Variants in DLGAP2 observed in about 807,000 individuals in gnomAD.
The protein encoded by DLGAP2 is disks large-associated protein 2.
A neutral mutation model predicts 100.3 loss-of-function variants in DLGAP2; 26 were observed. That is an observed-to-expected ratio of 0.26 (90% confidence interval 0.19 to 0.36). The LOEUF is 0.36. Ranked by LOEUF, DLGAP2 falls within the 10% of genes least tolerant of loss-of-function variation. The pLI, the probability that DLGAP2 is intolerant of heterozygous loss-of-function variation, is 1.00. For synonymous variants in DLGAP2, 886 were observed against 630.1 expected (o/e 1.41, Z -6.08); for missense variants, 1,858 against 1,453.2 (o/e 1.28, Z -4.53).
intron 1 of DLGAP2, among the ~76,000 whole-genome samples, chr8:846,269 C>G (rs949806345): frequency 6.6e-6 from 1 of 152,152 alleles, no homozygotes; most frequent in African/African-American, 2.4e-5. Flanking sequence ...GTGCTATTGA[C>G]CTTCCTTTTG....
At chr8:1,647,488 CAAAAAAAAAAAAAAAAAAAA>C (rs567451595) in intron 8 of DLGAP2, among the ~76,000 whole-genome samples, 14,581 of 44,718 alleles carry the variant, frequency 0.33, 1,328 homozygotes, top group South Asian at 0.52. Flanking sequence ...GACTCTGTCT[CAAAAAAAAAAAAAAAAAAAA>C]AAAAAAAAAA....
At chr8:1,077,173 C>T (rs76629104) in intron 2 of DLGAP2, among the ~76,000 whole-genome samples, 8,044 of 152,284 alleles carry the variant, frequency 0.053, 685 homozygotes, top group African/African-American at 0.18. Flanking sequence ...GTCTGTCCTC[C>T]GGTTTCTGCT....
chr8:1,282,467 T>C (rs1240127532), intron 3 of DLGAP2, among the ~76,000 whole-genome samples: 9 of 95,890 alleles, frequency 9.4e-5, no homozygotes, highest in East Asian at 4.1e-4. Context: ...ATGAACCATC[T>C]GGACATGGTG....
intron 1 of DLGAP2, among the ~76,000 whole-genome samples, chr8:747,366 C>G (rs962313573): frequency 2.6e-5 from 4 of 152,006 alleles, no homozygotes; most frequent in Admixed American, 6.5e-5. Flanking sequence ...TACCATGCTC[C>G]GCGCCAGTCA....
chr8:1,031,575 G>A (rs1220720270), intron 2 of DLGAP2, among the ~76,000 whole-genome samples: 1 of 151,908 alleles, frequency 6.6e-6, no homozygotes, highest in African/African-American at 2.4e-5. Context: ...ACCATGCCCG[G>A]CTGTTTTGTA....
chr8:1,189,435 A>G (rs1454756356), intron 2 of DLGAP2, among the ~76,000 whole-genome samples: 2 of 152,220 alleles, frequency 1.3e-5, no homozygotes, highest in Non-Finnish European at 2.9e-5. Context: ...CATTTGGAAG[A>G]GGAGTGGTCA....
At chr8:1,297,726 A>G (rs1192062005) in intron 3 of DLGAP2, among the ~76,000 whole-genome samples, 16 of 118,096 alleles carry the variant, frequency 1.4e-4, no homozygotes, top group Non-Finnish European at 2.6e-4. Context: ...GAAACGTGGC[A>G]GGCGTGAACA....
intron 1 of DLGAP2, among the ~76,000 whole-genome samples, chr8:905,670 G>A (rs1415729497): frequency 6.6e-6 from 1 of 152,148 alleles, no homozygotes; most frequent in African/African-American, 2.4e-5. Context: ...CTGGTTCTGT[G>A]TATCGTCAGA....
intron 3 of DLGAP2, among the ~76,000 whole-genome samples, chr8:1,352,598 C>G (rs1413352414): frequency 6.6e-6 from 1 of 152,168 alleles, no homozygotes; most frequent in Non-Finnish European, 1.5e-5. Context: ...GTAAGTATGT[C>G]AATTCCTGGA....
intron 2 of DLGAP2, among the ~76,000 whole-genome samples, chr8:1,179,933 T>C (rs997561814): frequency 6.6e-6 from 1 of 152,244 alleles, no homozygotes; most frequent in African/African-American, 2.4e-5. Context: ...AATTAAACCG[T>C]GCCTTTAGAA....
At chr8:1,413,868 A>G (rs1466712408) in intron 3 of DLGAP2, among the ~76,000 whole-genome samples, 2 of 152,238 alleles carry the variant, frequency 1.3e-5, no homozygotes, top group East Asian at 1.9e-4. Flanking sequence ...CAGATGCACA[A>G]TGTCAATGGC....
Position 962,525 on chromosome 8 carries a change from G to T in DLGAP2, c.73+54559G>T, listed in dbSNP as rs73176506. 8.8e-3 allele frequency among the ~76,000 whole-genome samples: 1,346 copies of T among 152,232 alleles called. 9 individuals carry two copies. Among genetic ancestry groups the T allele is most frequent in the Non-Finnish European group, 0.014 (980 of 67,998 alleles). The stretch of plus-strand genomic sequence containing the variant: ...GTGGGCGCCTTGAGGGAGCCTCCTG[G>T]GGCTGCTCACATGGGCCCTGGCCTG... On this transcript the variant is annotated intron_variant, in intron 2 of 14. Transcript: ENST00000637795.
intron 2 of DLGAP2, among the ~76,000 whole-genome samples, chr8:1,121,480 A>G (rs748352535): frequency 8.5e-5 from 13 of 152,048 alleles, no homozygotes; most frequent in East Asian, 5.8e-4. Context: ...ATCTCTCTAG[A>G]ACCCATGACC....
At chr8:1,343,928 A>G (rs893664562) in intron 3 of DLGAP2, among the ~76,000 whole-genome samples, 6 of 152,326 alleles carry the variant, frequency 3.9e-5, no homozygotes, top group Non-Finnish European at 8.8e-5. Flanking sequence ...GAGGTATATC[A>G]GGGCTTTCCC....
At chr8:1,348,441 A>G (rs1428487701) in intron 3 of DLGAP2, among the ~76,000 whole-genome samples, 5 of 147,906 alleles carry the variant, frequency 3.4e-5, no homozygotes, top group African/African-American at 1.0e-4. Context: ...GAGTTCCTAT[A>G]CAGAGTTACA....
intron 3 of DLGAP2, among the ~76,000 whole-genome samples, chr8:1,319,501 T>G (rs968627100): frequency 7.2e-5 from 11 of 152,170 alleles, no homozygotes; most frequent in Non-Finnish European, 1.2e-4. Flanking sequence ...GCAGCTGACG[T>G]GGAGCCAACA....
intron 2 of DLGAP2, among the ~76,000 whole-genome samples, chr8:1,040,802 C>T (rs1039771804): frequency 6.6e-6 from 1 of 152,112 alleles, no homozygotes; most frequent in Non-Finnish European, 1.5e-5. Flanking sequence ...CCAGCAGGAG[C>T]GCAGAGTCGT....
intron 2 of DLGAP2, among the ~76,000 whole-genome samples, chr8:1,046,399 C>G (rs182472348): frequency 2.6e-5 from 4 of 152,282 alleles, no homozygotes; most frequent in Non-Finnish European, 5.9e-5. Flanking sequence ...AATTCCCCCT[C>G]CCATTTCCCC....
intron 3 of DLGAP2, among the ~76,000 whole-genome samples, chr8:1,382,411 A>C (rs1422401025): frequency 6.6e-6 from 1 of 152,168 alleles, no homozygotes; most frequent in African/African-American, 2.4e-5. Flanking sequence ...ATGTTGTTCA[A>C]GGGCAAGTGT....
Sources: gnomAD v4.1 joint callset for allele counts (sites outside exome capture counted in the v4.1 genomes callset) on GRCh38, gnomAD v4.1.1 for gene constraint, MANE v1.5 for transcripts, NCBI Gene and HGNC (gene_info 2026-07-23, HGNC 2026-07-21) for gene names.